Variants in DOCK11 observed in about 807,000 individuals in gnomAD.
The protein encoded by DOCK11 is dedicator of cytokinesis protein 11.
A neutral mutation model predicts 169.1 loss-of-function variants in DOCK11; 70 were observed. The observed-to-expected ratio is 0.41, with a 90% confidence interval of 0.34 to 0.51. The LOEUF is 0.51. DOCK11 is among the 20% of genes least tolerant of loss of function. The pLI is 0.10. For missense variants in DOCK11, 1,166 were observed against 1,538.8 expected (o/e 0.76, Z 4.05); for synonymous variants, 529 against 541.3 (o/e 0.98, Z 0.32).
intron 40 of DOCK11, among the ~76,000 whole-genome samples, chrX:118,647,656 AT>A (rs1310130731): frequency 1.7e-5 from 1 of 57,961 alleles, no homozygotes; most frequent in East Asian, 4.7e-4. Flanking sequence ...ATGTTTATAT[AT>A]TATATATTAA....
intron 32 of DOCK11, among the ~76,000 whole-genome samples, chrX:118,626,044 T>A (rs6646248): frequency 2.8e-5 from 3 of 108,020 alleles, no homozygotes; most frequent in Non-Finnish European, 5.7e-5. Context: ...TCTCCACTAA[T>A]CTGTCATTCC....
chrX:118,676,844 C>A, intron 48 of DOCK11, 107 bp downstream of exon 48: 2 of 744,180 alleles, frequency 2.7e-6, no homozygotes, highest in Non-Finnish European at 3.7e-6. Flanking sequence ...GAAAACAGAG[C>A]TTTCCAGATA....
intron 12 of DOCK11, among the ~76,000 whole-genome samples, chrX:118,575,966 C>CAGTG (rs1183866926): frequency 1.8e-5 from 2 of 111,827 alleles, no homozygotes; most frequent in East Asian, 5.6e-4. Flanking sequence ...ATTATTCCAT[C>CAGTG]AGTGTCTCAT....
At chrX:118,648,553 A>AT (rs1251381887) in intron 40 of DOCK11, among the ~76,000 whole-genome samples, 1 of 96,547 alleles carries the variant, frequency 1.0e-5, no homozygotes, top group Non-Finnish European at 2.0e-5. Flanking sequence ...TATATAACAT[A>AT]AATTATATAT....
intron 6 of DOCK11, 103 bp from the exon 7 acceptor site, chrX:118,561,280 G>C: frequency 1.2e-6 from 1 of 804,111 alleles, no homozygotes; most frequent in Non-Finnish European, 1.7e-6. Flanking sequence ...AGATTGTCCA[G>C]GCACAATTGC....
chrX:118,631,730 A>C (rs891363665), intron 35 of DOCK11, among the ~76,000 whole-genome samples: 3 of 110,991 alleles, frequency 2.7e-5, no homozygotes, highest in Non-Finnish European at 5.7e-5. Flanking sequence ...GAGATACATT[A>C]GAAAAAAAGC....
chrX:118,648,694 T>C (rs1407682293), intron 40 of DOCK11, among the ~76,000 whole-genome samples: 2 of 104,748 alleles, frequency 1.9e-5, no homozygotes, highest in African/African-American at 6.9e-5. Context: ...TTCTCAGATC[T>C]ATAGCATTTA....
At chrX:118,599,353 A>G in intron 23 of DOCK11, 125 bp downstream of exon 23, 1 of 487,005 alleles carries the variant, frequency 2.1e-6, no homozygotes, top group East Asian at 3.8e-5. Context: ...CCTCAAGAGA[A>G]TACTTTCTAT....
At chrX:118,529,776 A>C (rs151076781) in intron 1 of DOCK11, among the ~76,000 whole-genome samples, 27 of 111,307 alleles carry the variant, frequency 2.4e-4, no homozygotes, top group African/African-American at 8.2e-4. Context: ...ACTTGGGTAG[A>C]TAAGGCAGCC....
intron 10 of DOCK11, among the ~76,000 whole-genome samples, chrX:118,570,070 T>A (rs1469622810): frequency 8.9e-6 from 1 of 112,229 alleles, no homozygotes; most frequent in African/African-American, 3.2e-5. Context: ...AGAAATTGAA[T>A]GTAATGTTGG....
intron 48 of DOCK11, 147 bp from the exon 49 acceptor site, chrX:118,680,335 G>A (rs781520160): frequency 7.1e-6 from 2 of 280,481 alleles, no homozygotes; most frequent in South Asian, 2.3e-4. Context: ...GAATGAAGAC[G>A]CCCTTTATTG....
At chrX:118,639,727 T>A (rs1292653613) in intron 38 of DOCK11, 150 bp downstream of exon 38, 9 of 592,334 alleles carry the variant, frequency 1.5e-5, no homozygotes, top group Non-Finnish European at 2.2e-5. Context: ...CTTAAATATG[T>A]ATGAAGAAAA....
At chrX:118,545,662 C>A (rs1233947193) in intron 5 of DOCK11, among the ~76,000 whole-genome samples, 1 of 111,075 alleles carries the variant, frequency 9.0e-6, no homozygotes, top group African/African-American at 3.3e-5. Context: ...TGTGGAGTTG[C>A]TTTTCTTGAG....
chrX:118,585,205 C>A, intron 16 of DOCK11, 88 bp downstream of exon 16: 1 of 858,846 alleles, frequency 1.2e-6, no homozygotes. Context: ...GTTTACGTGG[C>A]ATATTAGTTT....
At chrX:118,579,968 G>T (rs772685481) in intron 13 of DOCK11, 129 bp from the exon 14 acceptor site, 73 of 479,444 alleles carry the variant, frequency 1.5e-4, no homozygotes, top group Non-Finnish European at 2.0e-4. Context: ...TATTCTGCTT[G>T]TGGCTATTTC....
rs961770298 is a variant in DOCK11 at position 118,656,488 on chromosome X, A to G, written c.4969+1527A>G. 7.2e-5 allele frequency among the ~76,000 whole-genome samples: 8 copies of G among 110,888 alleles called. No homozygotes were observed. In the East Asian group the frequency reaches 2.2e-3, roughly 31 times the overall value. On this transcript the variant is annotated intron_variant, in intron 44 of 52. Coordinates refer to ENST00000276202, the MANE Select transcript of DOCK11 (RefSeq NM_144658.4). ...GAGAAGGAGATTAATTACCAAAATA[A>G]GGCCCCATTTGAGGGTTTTTTTAAA...
intron 45 of DOCK11, among the ~76,000 whole-genome samples, chrX:118,667,220 A>G (rs1237284527): frequency 9.0e-6 from 1 of 111,077 alleles, no homozygotes; most frequent in Admixed American, 9.6e-5. Flanking sequence ...TTTGGTTGTA[A>G]TTGATGAAAT....
Position 118,631,343 on chromosome X carries a change from G to A in DOCK11, c.3886+853G>A, listed in dbSNP as rs147983340. Reference sequence around the variant, plus strand: ...CATAAAATAAGTTGATATCTAAGTAGCTATAGAAACATTAAAATAAATAGC... The same window carrying A: ...CATAAAATAAGTTGATATCTAAGTAACTATAGAAACATTAAAATAAATAGC... On this transcript the variant is annotated intron_variant, in intron 35 of 52. Coordinates refer to ENST00000276202, the MANE Select transcript of DOCK11 (RefSeq NM_144658.4). Among the ~76,000 whole-genome samples the A allele has an allele frequency of 7.5e-4, 81 of 108,432 alleles. 1 individual carries two copies. The East Asian group carries it at 0.017, about 23-fold the overall frequency. The allele number at this position is 108,432 out of a possible 115,157, so 94.2% of individuals were successfully genotyped here.
chrX:118,520,042 T>C (rs920078349), intron 1 of DOCK11, among the ~76,000 whole-genome samples: 3 of 111,852 alleles, frequency 2.7e-5, no homozygotes, highest in Non-Finnish European at 5.6e-5. Context: ...AAAATAGCCT[T>C]TGTAAGTGGC....
Sources: gnomAD v4.1 joint callset for allele counts (sites outside exome capture counted in the v4.1 genomes callset) on GRCh38, gnomAD v4.1.1 for gene constraint, MANE v1.5 for transcripts, NCBI Gene and HGNC (gene_info 2026-07-23, HGNC 2026-07-21) for gene names.